The following MS4A4A variants were observed in gnomAD, a reference collection of about 807,000 sequenced individuals.
The protein encoded by MS4A4A is membrane-spanning 4-domains subfamily A member 4A.
A neutral mutation model predicts 28.0 loss-of-function variants in MS4A4A; 26 were observed. That is an observed-to-expected ratio of 0.93 (90% CI 0.68 to 1.29). The LOEUF is 1.29. Among genes scored for constraint, MS4A4A ranks in the 50% most tolerant of loss-of-function variants. The pLI is 0.00. For missense variants in MS4A4A, 290 were observed against 293.1 expected, an observed-to-expected ratio of 0.99 and a Z score of 0.08; for synonymous variants, 86 against 100.8, an observed-to-expected ratio of 0.85 and a Z score of 0.88.
chr11:60,303,686 C>T (rs2135032412), intron 5 of MS4A4A, among the ~76,000 whole-genome samples: 1 of 152,214 alleles, frequency 6.6e-6, no homozygotes. Flanking sequence ...CCAGCCTGGG[C>T]AACAGAGCGA....
intron 3 of MS4A4A, among the ~76,000 whole-genome samples, chr11:60,297,929 T>C (rs1319067800): frequency 6.6e-6 from 1 of 152,138 alleles, no homozygotes; most frequent in African/African-American, 2.4e-5. Context: ...AAGCAGTTTC[T>C]AATATCTAGT....
intron 2 of MS4A4A, 32 bp from the exon 3 acceptor site, chr11:60,297,165 C>T (rs1385804560): frequency 2.5e-6 from 4 of 1,610,174 alleles, no homozygotes; most frequent in East Asian, 2.2e-5. Flanking sequence ...TTGTGGTGGA[C>T]AATCAGTTTT....
rs1453925333 is a variant in MS4A4A, at chr11:60,308,320, A to ACT, written c.*143_*144dup. The ACT allele has an allele frequency of 2.1e-5, 15 of 721,784 alleles. No individual in the cohort carries two copies. The East Asian group carries it at 3.8e-4, about 18-fold the overall frequency. The allele number at this position is 721,784 out of a possible 1,614,324, so 44.7% of individuals were successfully genotyped here. On this transcript the variant is annotated 3_prime_UTR_variant, in exon 7 of 7. Coordinates refer to ENST00000337908, the MANE Select transcript of MS4A4A (RefSeq NM_148975.3). ...ATTATTATATGTAATCCAATTATGAACTGTGTGTGTATAGAGAGATAATAA... is the reference window on the plus strand; with the variant it reads ...ATTATTATATGTAATCCAATTATGAACTCTGTGTGTGTATAGAGAGATAATAA...
chr11:60,282,804 C>G, intron 1 of MS4A4A: 1 of 1,143,114 alleles, frequency 8.7e-7, no homozygotes, highest in Non-Finnish European at 1.1e-6. Flanking sequence ...AAAATTTTAA[C>G]TTTATGCTAA....
intron 2 of MS4A4A, among the ~76,000 whole-genome samples, chr11:60,295,285 C>T (rs1198471348): frequency 6.6e-6 from 1 of 151,934 alleles, no homozygotes; most frequent in Non-Finnish European, 1.5e-5. Context: ...TTCCAAATTT[C>T]ACTTATTCAT....
At chr11:60,282,593 G>A (rs1472766665) in intron 1 of MS4A4A, 3 of 1,284,002 alleles carry the variant, frequency 2.3e-6, no homozygotes, top group African/African-American at 1.5e-5. Context: ...GTTCTTACAA[G>A]GTGGTCACAA....
At chr11:60,301,365 T>C (rs1400718891) in intron 4 of MS4A4A, among the ~76,000 whole-genome samples, 1 of 152,160 alleles carries the variant, frequency 6.6e-6, no homozygotes, top group Non-Finnish European at 1.5e-5. Flanking sequence ...AGTCAGCCCA[T>C]GATAGTGACA....
intron 6 of MS4A4A, 74 bp downstream of exon 6, chr11:60,306,275 A>T: frequency 1.7e-6 from 2 of 1,169,906 alleles, no homozygotes; most frequent in Non-Finnish European, 2.6e-6. Flanking sequence ...ACACACTTAG[A>T]GTCTTAACAC....
At chr11:60,299,998 T>C (rs2084938098) in intron 3 of MS4A4A, among the ~76,000 whole-genome samples, 1 of 152,226 alleles carries the variant, frequency 6.6e-6, no homozygotes, top group Non-Finnish European at 1.5e-5. Flanking sequence ...TTCCCTCTAG[T>C]GGTTTTATTC....
intron 1 of MS4A4A, among the ~76,000 whole-genome samples, chr11:60,286,645 C>G (rs141667572): frequency 6.6e-6 from 1 of 152,282 alleles, no homozygotes; most frequent in African/African-American, 2.4e-5. Flanking sequence ...ACCTTCTTTG[C>G]CTCTTTTGAC....
At chr11:60,292,128 G>T in intron 1 of MS4A4A, 97 bp from the exon 2 acceptor site, 1 of 1,377,746 alleles carries the variant, frequency 7.3e-7, no homozygotes, top group East Asian at 2.6e-5. Flanking sequence ...AGAGAATGTA[G>T]ACCAGATTCT....
At chr11:60,283,118 G>A (rs934491467) in intron 1 of MS4A4A, among the ~76,000 whole-genome samples, 1 of 152,126 alleles carries the variant, frequency 6.6e-6, no homozygotes, top group Non-Finnish European at 1.5e-5. Flanking sequence ...TTTGAGACAG[G>A]GTCTCACTGT....
intron 1 of MS4A4A, among the ~76,000 whole-genome samples, chr11:60,287,355 A>G (rs2084811938): frequency 1.3e-5 from 2 of 152,192 alleles, no homozygotes; most frequent in South Asian, 2.1e-4. Context: ...AGAGAGAGAG[A>G]TGGGGCCAAA....
chr11:60,299,448 CTTTTTT>C (rs5792179), intron 3 of MS4A4A, among the ~76,000 whole-genome samples: 16 of 113,236 alleles, frequency 1.4e-4, no homozygotes, highest in Non-Finnish European at 1.9e-4. Context: ...AATTACAATT[CTTTTTT>C]TTTTTTTTTT....
At chr11:60,297,779 C>T (rs143761547) in intron 3 of MS4A4A, among the ~76,000 whole-genome samples, 9 of 152,242 alleles carry the variant, frequency 5.9e-5, no homozygotes, top group African/African-American at 1.7e-4. Flanking sequence ...GTAAGGATAA[C>T]GGACTTGCCA....
intron 5 of MS4A4A, among the ~76,000 whole-genome samples, chr11:60,304,517 T>C (rs1462082433): frequency 6.6e-6 from 1 of 152,252 alleles, no homozygotes; most frequent in Non-Finnish European, 1.5e-5. Flanking sequence ...AGGACCTCCA[T>C]AAGGGCTTCC....
chr11:60,293,418 C>T (rs886429955), intron 2 of MS4A4A, among the ~76,000 whole-genome samples: 1 of 152,172 alleles, frequency 6.6e-6, no homozygotes, highest in Non-Finnish European at 1.5e-5. Context: ...AAGTACAGAT[C>T]TATCCCATAT....
At chr11:60,298,420 T>C (rs1352028936) in intron 3 of MS4A4A, among the ~76,000 whole-genome samples, 1 of 152,214 alleles carries the variant, frequency 6.6e-6, no homozygotes, top group African/African-American at 2.4e-5. Flanking sequence ...ACTTCATATA[T>C]CCAAAAATAC....
At chr11:60,293,058 TTTTTAA>T (rs1160993103) in intron 2 of MS4A4A, among the ~76,000 whole-genome samples, 1 of 152,162 alleles carries the variant, frequency 6.6e-6, no homozygotes, top group Non-Finnish European at 1.5e-5. Flanking sequence ...TGTTTATTTA[TTTTTAA>T]TTTTATTTTT....
Sources: gnomAD v4.1 joint callset for allele counts (sites outside exome capture counted in the v4.1 genomes callset) on GRCh38, gnomAD v4.1.1 for gene constraint, MANE v1.5 for transcripts, NCBI Gene and HGNC (gene_info 2026-07-23, HGNC 2026-07-21) for gene names.